WDR64: variants seen among roughly 807,000 people sequenced by gnomAD.
WDR64 encodes WD repeat-containing protein 64.
Under a neutral mutation model 139.3 loss-of-function variants are expected in WDR64, and 112 were observed. The ratio of observed to expected loss-of-function variants is 0.80; its 90% CI spans 0.69 to 0.94. The LOEUF (loss-of-function observed/expected upper bound fraction) is 0.94, where lower values mean the gene tolerates loss of function less well. Ranked by LOEUF, WDR64 falls within the 40% of genes least tolerant of loss-of-function variation. The pLI is 0.00. For synonymous variants in WDR64, 444 were observed against 437.7 expected, an observed-to-expected ratio of 1.01 and a Z score of -0.18; for missense variants, 1,206 against 1,293.1, an observed-to-expected ratio of 0.93 and a Z score of 1.03.
At chr1:241,718,914 C>T (rs748407479) in intron 9 of WDR64, among the ~76,000 whole-genome samples, 4 of 152,084 alleles carry the variant, frequency 2.6e-5, no homozygotes, top group East Asian at 1.9e-4. Context: ...CATGAGGGCC[C>T]GCCTTCATTA....
At chr1:241,719,919 G>GT (rs1668543966) in intron 9 of WDR64, among the ~76,000 whole-genome samples, 1 of 152,050 alleles carries the variant, frequency 6.6e-6, no homozygotes, top group South Asian at 2.1e-4. Flanking sequence ...TGGATATTAA[G>GT]TCCAGCATCC....
At chr1:241,782,022 C>G (rs1054131868) in intron 22 of WDR64, among the ~76,000 whole-genome samples, 1 of 152,332 alleles carries the variant, frequency 6.6e-6, no homozygotes, top group South Asian at 2.1e-4. Flanking sequence ...CACGGTGGCT[C>G]ACGCCTGTAA....
At chr1:241,696,561 G>A (rs1667495768) in intron 8 of WDR64, among the ~76,000 whole-genome samples, 1 of 152,116 alleles carries the variant, frequency 6.6e-6, no homozygotes, top group African/African-American at 2.4e-5. Context: ...TGAGTTTTCT[G>A]GGAGAGGGGT....
At position 241,771,771 on chromosome 1, in the gene WDR64, T is replaced by A. The variant is rs936372898; in HGVS notation, c.2290+74T>A. ...AAGAGGGCATTTAGGTGACAGAGTA[T>A]TCTTAATGAATATATATATTCCTTA... is the stretch of plus-strand genomic sequence containing the variant. On this transcript the variant is annotated intron_variant, in intron 19 of 27. Coordinates refer to ENST00000437684, the MANE Select transcript of WDR64 (RefSeq NM_001367482.1). The A allele has an allele frequency of 5.3e-6, 5 of 938,696 alleles. No individual in the cohort carries two copies. In the African/African-American group the frequency reaches 8.7e-5, roughly 16 times the overall value. 58.1% of individuals were successfully genotyped at this position (938,696 alleles called of 1,614,324 possible).
intron 16 of WDR64, among the ~76,000 whole-genome samples, chr1:241,767,555 C>T (rs1490264179): frequency 6.6e-6 from 1 of 152,060 alleles, no homozygotes; most frequent in Non-Finnish European, 1.5e-5. Flanking sequence ...TCAAGTTTAT[C>T]TAAGCATTTG....
intron 10 of WDR64, among the ~76,000 whole-genome samples, chr1:241,733,931 C>A (rs1320532643): frequency 6.6e-6 from 1 of 152,084 alleles, no homozygotes; most frequent in Non-Finnish European, 1.5e-5. Context: ...ACACTGACAA[C>A]CTCTAGGGGA....
intron 13 of WDR64, among the ~76,000 whole-genome samples, 158 bp from the exon 14 acceptor site, chr1:241,749,389 C>T (rs969441657): frequency 2.0e-5 from 3 of 152,102 alleles, no homozygotes; most frequent in African/African-American, 7.2e-5. Flanking sequence ...AAATTTCATG[C>T]ACAGCAAGCC....
intron 10 of WDR64, among the ~76,000 whole-genome samples, chr1:241,733,774 GT>G (rs1233926536): frequency 6.6e-6 from 1 of 151,816 alleles, no homozygotes; most frequent in Non-Finnish European, 1.5e-5. Flanking sequence ...ACATATCTCT[GT>G]CGTAAAGCCA....
intron 8 of WDR64, among the ~76,000 whole-genome samples, chr1:241,698,490 C>G (rs1667582509): frequency 6.6e-6 from 1 of 152,184 alleles, no homozygotes; most frequent in African/African-American, 2.4e-5. Context: ...CATCTCAATA[C>G]TTTTCACAGT....
intron 1 of WDR64, among the ~76,000 whole-genome samples, chr1:241,658,284 G>GTGT (rs1553360009): frequency 6.8e-6 from 1 of 147,164 alleles, no homozygotes; most frequent in Non-Finnish European, 1.5e-5. Flanking sequence ...TTCAAGCAAT[G>GTGT]GTGTGTGTGT....
At chr1:241,676,500 A>T (rs1222144626) in intron 4 of WDR64, 2 of 152,202 alleles carry the variant, frequency 1.3e-5, no homozygotes, top group African/African-American at 4.8e-5. Flanking sequence ...TTATTACCTC[A>T]AAAACAGAAC....
chr1:241,674,961 CCCTTCTTTTTCTTTCCTTCTTT>C (rs1666427490), intron 4 of WDR64, among the ~76,000 whole-genome samples: 55 of 24,020 alleles, frequency 2.3e-3, no homozygotes, highest in Non-Finnish European at 5.1e-3. Flanking sequence ...CCTCTCTCCT[CCCTTCTTTTTCTTTCCTTCTTT>C]CCTCCCTTTC....
intron 4 of WDR64, among the ~76,000 whole-genome samples, chr1:241,675,085 T>TTC (rs1666459932): frequency 1.1e-4 from 2 of 17,680 alleles, no homozygotes; most frequent in Non-Finnish European, 8.7e-5. Flanking sequence ...CTCCCTCCCT[T>TTC]CATCCTTCCT....
At chr1:241,741,691 G>A in intron 12 of WDR64, 27 bp downstream of exon 12, 1 of 1,545,964 alleles carries the variant, frequency 6.5e-7, no homozygotes, top group Non-Finnish European at 8.7e-7. Flanking sequence ...TTTTCAAACA[G>A]AAAAAAAGGC....
At chr1:241,697,513 T>A (rs1366165579) in intron 8 of WDR64, among the ~76,000 whole-genome samples, 1 of 152,076 alleles carries the variant, frequency 6.6e-6, no homozygotes, top group African/African-American at 2.4e-5. Context: ...AGTGCAGTGG[T>A]GCAATCATAG....
intron 22 of WDR64, among the ~76,000 whole-genome samples, chr1:241,782,787 C>T (rs6667772): frequency 0.18 from 26,979 of 152,060 alleles, 2,819 homozygotes; most frequent in African/African-American, 0.27. Flanking sequence ...GTATCTCCCA[C>T]CCCATACTCC....
At chr1:241,693,693 A>G (rs1667385476) in intron 8 of WDR64, among the ~76,000 whole-genome samples, 1 of 152,112 alleles carries the variant, frequency 6.6e-6, no homozygotes, top group Non-Finnish European at 1.5e-5. Context: ...TGTGAATCTA[A>G]AACTGTTCTG....
chr1:241,761,305 T>C (rs1423062812), intron 15 of WDR64, among the ~76,000 whole-genome samples: 5 of 152,122 alleles, frequency 3.3e-5, no homozygotes, highest in Non-Finnish European at 7.4e-5. Flanking sequence ...GATGTAAAAA[T>C]AGTGAAATAA....
chr1:241,747,253 T>C (rs1032643895), intron 13 of WDR64, among the ~76,000 whole-genome samples: 7 of 152,138 alleles, frequency 4.6e-5, no homozygotes, highest in African/African-American at 1.4e-4. Flanking sequence ...ATACATACGG[T>C]AAAATTGTGA....
Sources: allele counts gnomAD v4.1 joint callset (sites outside exome capture counted in the v4.1 genomes callset), GRCh38; gene constraint gnomAD v4.1.1; transcripts MANE v1.5; gene names NCBI Gene and HGNC (gene_info 2026-07-23, HGNC 2026-07-21).